The following DPY19L2 variants were observed in gnomAD, a reference collection of about 807,000 sequenced individuals.
DPY19L2 encodes the protein dpy-19 like 2.
DPY19L2 carries 34 observed loss-of-function variants against 97.9 expected under a neutral mutation model. That is an observed-to-expected ratio of 0.35 (90% CI 0.26 to 0.46). The LOEUF is 0.46. Ranked by LOEUF, DPY19L2 falls within the 20% of genes least tolerant of loss-of-function variation. DPY19L2 has a pLI of 1.00. For missense variants in DPY19L2, 623 were observed against 911.4 expected (o/e 0.68, Z 4.07); for synonymous variants, 230 against 307.9 (o/e 0.75, Z 2.65).
At chr12:63,591,069 GGGT>G (rs1331815222) in intron 16 of DPY19L2, 1 of 455,746 alleles carries the variant, frequency 2.2e-6, no homozygotes, top group African/African-American at 2.0e-5. Context: ...ACAGTGTCCA[GGGT>G]TCTCCATTCA....
chr12:63,668,528 A>T, upstream of DPY19L2: 1 of 928,160 alleles, frequency 1.1e-6, no homozygotes, highest in Non-Finnish European at 1.6e-6. Context: ...CCCGGTCGTC[A>T]TGGCGACTGT....
chr12:63,601,482 T>G (rs1287128730), intron 12 of DPY19L2, among the ~76,000 whole-genome samples: 4 of 152,094 alleles, frequency 2.6e-5, no homozygotes, highest in African/African-American at 7.2e-5. Context: ...ACCACATACA[T>G]GGCAAAAAAC....
At chr12:63,640,203 A>G (rs905662286) in intron 6 of DPY19L2, among the ~76,000 whole-genome samples, 3 of 152,028 alleles carry the variant, frequency 2.0e-5, no homozygotes, top group Admixed American at 6.6e-5. Flanking sequence ...GCCTGTCATG[A>G]GGTTGGGGGA....
chr12:63,570,663 G>A lies in DPY19L2; in HGVS notation c.2000+95C>T, dbSNP rs1223953205. On this transcript the variant is annotated intron_variant, in intron 20 of 21. Coordinates refer to ENST00000324472, the MANE Select transcript of DPY19L2 (RefSeq NM_173812.5). ...AGGATGAGTTTGTGTGTGTGTGTGT[G>A]TGTGTGTGTGTGTGTGTGTGTGTAA... 24 of 974,250 alleles carry A rather than the reference G, an allele frequency of 2.5e-5. No individual in the cohort carries two copies. In the East Asian group the frequency reaches 5.4e-4, roughly 22 times the overall value. 60.4% of individuals were successfully genotyped at this position (974,250 alleles called of 1,614,324 possible). A position where few individuals can be genotyped will look rare whatever the true frequency, so the allele number is the denominator to read the frequency against.
At chr12:63,665,301 G>A (rs1193942767) in intron 2 of DPY19L2, among the ~76,000 whole-genome samples, 1 of 151,900 alleles carries the variant, frequency 6.6e-6, no homozygotes, top group African/African-American at 2.4e-5. Flanking sequence ...GTGAAACCTC[G>A]TCTCCACCAA....
intron 17 of DPY19L2, among the ~76,000 whole-genome samples, chr12:63,583,599 A>G (rs1377432998): frequency 1.3e-5 from 2 of 152,226 alleles, no homozygotes; most frequent in Non-Finnish European, 2.9e-5. Flanking sequence ...ATTCTGTACT[A>G]TAGTCATAAA....
chr12:63,610,724 C>CA (rs1424624637), intron 11 of DPY19L2, among the ~76,000 whole-genome samples: 4 of 149,786 alleles, frequency 2.7e-5, no homozygotes, highest in Non-Finnish European at 5.9e-5. Context: ...CAAGCTCTTC[C>CA]AAAAAATTGA....
chr12:63,586,898 G>T (rs940100698), intron 16 of DPY19L2, among the ~76,000 whole-genome samples: 1 of 152,002 alleles, frequency 6.6e-6, no homozygotes, highest in African/African-American at 2.4e-5. Flanking sequence ...TGAAAAGCAC[G>T]ATGAATAGAA....
intron 11 of DPY19L2, among the ~76,000 whole-genome samples, chr12:63,610,092 T>C (rs1225479878): frequency 1.9e-5 from 2 of 107,406 alleles, no homozygotes; most frequent in Non-Finnish European, 3.8e-5. Context: ...GGTTGTTAAA[T>C]GAAAAAAAAA....
chr12:63,597,496 A>G (rs1884442586), intron 14 of DPY19L2, among the ~76,000 whole-genome samples: 2 of 152,058 alleles, frequency 1.3e-5, no homozygotes, highest in Admixed American at 6.6e-5. Flanking sequence ...GAATGGTCCC[A>G]TATTTCCAAG....
intron 6 of DPY19L2, among the ~76,000 whole-genome samples, chr12:63,628,969 C>A (rs1890091670): frequency 1.3e-5 from 2 of 151,630 alleles, no homozygotes; most frequent in South Asian, 4.2e-4. Context: ...CTGGAGTGGA[C>A]CTCCAGCAAA....
At chr12:63,561,807 T>C (rs894337375) in intron 21 of DPY19L2, among the ~76,000 whole-genome samples, 1 of 151,880 alleles carries the variant, frequency 6.6e-6, no homozygotes, top group Non-Finnish European at 1.5e-5. Flanking sequence ...AGGAGTGGAA[T>C]TGCTGGGTTG....
At position 63,668,145 on chromosome 12, in the gene DPY19L2, C is replaced by A. The variant is rs149376902; in HGVS notation, c.249G>T (p.Gln83His). Residue 83 changes from glutamine to histidine, a missense_variant, in exon 1 of 22, where the codon CAG becomes CAT. Gln to His is a conservative substitution (Grantham distance 24). This residue lies in a region of DPY19L2 where 144 missense variants were observed against 119.4 expected (regional missense o/e 1.21). Transcript: ENST00000324472. ...GCTGCGCCAGGGAATTACGGACGAACTGGAAGGGGCCGAGAAGAAAGGTCT... is the reference window on the plus strand; with the variant it reads ...GCTGCGCCAGGGAATTACGGACGAAATGGAAGGGGCCGAGAAGAAAGGTCT... The part of the protein sequence containing the change: ...VAKTFLLGPF[Q>H]FVRNSLAQLR... 2.5e-5 allele frequency: 41 copies of A among 1,613,926 alleles called. No homozygotes were observed. Among genetic ancestry groups the A allele is most frequent in the Middle Eastern group, 1.6e-4 (1 of 6,080 alleles).
At chr12:63,582,691 G>A (rs887750675) in intron 17 of DPY19L2, among the ~76,000 whole-genome samples, 166 bp from the exon 18 acceptor site, 1 of 152,116 alleles carries the variant, frequency 6.6e-6, no homozygotes, top group Non-Finnish European at 1.5e-5. Flanking sequence ...CTATGTTCCA[G>A]GTACTCTTCT....
intron 18 of DPY19L2, among the ~76,000 whole-genome samples, chr12:63,581,671 T>C (rs1194225302): frequency 6.1e-5 from 9 of 148,646 alleles, no homozygotes; most frequent in African/African-American, 2.3e-4. Context: ...TTAATAGAGA[T>C]AGGGTTTCAC....
chr12:63,566,064 A>G (rs551519248), intron 21 of DPY19L2, among the ~76,000 whole-genome samples: 14 of 152,136 alleles, frequency 9.2e-5, no homozygotes, highest in African/African-American at 3.4e-4. Context: ...GCCAATATAC[A>G]TATCTGTATT....
intron 8 of DPY19L2, 187 bp downstream of exon 8, chr12:63,623,853 C>T (rs1292010670): frequency 3.4e-5 from 15 of 436,572 alleles, no homozygotes; most frequent in Non-Finnish European, 5.7e-5. Flanking sequence ...GACAGATGCA[C>T]ACCACCATGC....
At chr12:63,631,104 A>C (rs940080091) in intron 6 of DPY19L2, among the ~76,000 whole-genome samples, 5 of 152,172 alleles carry the variant, frequency 3.3e-5, no homozygotes, top group African/African-American at 7.2e-5. Flanking sequence ...AAATGCCCAC[A>C]AGAGAAAGCA....
At chr12:63,634,638 C>G (rs147893295) in intron 6 of DPY19L2, among the ~76,000 whole-genome samples, 1 of 151,864 alleles carries the variant, frequency 6.6e-6, no homozygotes, top group African/African-American at 2.4e-5. Context: ...GATTACATCC[C>G]GCACATGGCT....
Sources: gnomAD v4.1 joint callset for allele counts (sites outside exome capture counted in the v4.1 genomes callset) on GRCh38, gnomAD v4.1.1 for gene constraint, gnomAD v4.1.1 regional missense constraint, MANE v1.5 for transcripts, NCBI Gene and HGNC (gene_info 2026-07-23, HGNC 2026-07-21) for gene names.